Variants in ST6GALNAC3 observed in about 807,000 individuals in gnomAD.
ST6GALNAC3 encodes alpha-N-acetylgalactosaminide alpha-2,6-sialyltransferase 3.
Under a neutral mutation model 32.7 loss-of-function variants are expected in ST6GALNAC3, and 25 were observed. The observed-to-expected ratio is 0.76, with a 90% CI of 0.56 to 1.07. ST6GALNAC3 has a LOEUF of 1.07. ST6GALNAC3 is among the 50% of genes least tolerant of loss of function. The probability of loss-of-function intolerance (pLI) is 0.00; values close to 1 mark genes in which losing one functional copy is unlikely to be tolerated. For synonymous variants in ST6GALNAC3, 129 were observed against 133.1 expected (o/e 0.97, Z 0.21); for missense variants, 355 against 382.4 (o/e 0.93, Z 0.60).
intron 2 of ST6GALNAC3, among the ~76,000 whole-genome samples, chr1:76,319,032 G>A (rs1646919559): frequency 1.3e-5 from 2 of 152,174 alleles, no homozygotes; most frequent in South Asian, 4.1e-4. Context: ...AGAGCAAGCA[G>A]CCTGCAGTTT....
chr1:76,291,895 A>T (rs1031884953), intron 1 of ST6GALNAC3, among the ~76,000 whole-genome samples: 2 of 152,250 alleles, frequency 1.3e-5, no homozygotes, highest in Admixed American at 1.3e-4. Context: ...TATAATGATT[A>T]AACCAGAAGA....
chr1:76,223,101 C>T (rs864205), intron 1 of ST6GALNAC3, among the ~76,000 whole-genome samples: 140,503 of 152,218 alleles, frequency 0.92, 65,490 homozygotes, highest in East Asian at 1. Context: ...CATATGTTTA[C>T]TGTATCACTA....
At chr1:76,134,518 A>G (rs935653256) in intron 1 of ST6GALNAC3, among the ~76,000 whole-genome samples, 1 of 152,194 alleles carries the variant, frequency 6.6e-6, no homozygotes, top group African/African-American at 2.4e-5. Flanking sequence ...TGGTTTAACC[A>G]TGGGTTAGGA....
intron 2 of ST6GALNAC3, among the ~76,000 whole-genome samples, chr1:76,314,767 A>G (rs1646833206): frequency 6.6e-6 from 1 of 152,186 alleles, no homozygotes; most frequent in Admixed American, 6.6e-5. Context: ...TAATATTCAG[A>G]GACACAAAGT....
At chr1:76,328,304 G>A (rs1387233254) in intron 2 of ST6GALNAC3, among the ~76,000 whole-genome samples, 1 of 152,166 alleles carries the variant, frequency 6.6e-6, no homozygotes, top group African/African-American at 2.4e-5. Flanking sequence ...GGAACTTCAC[G>A]AATGAGAAGT....
intron 2 of ST6GALNAC3, among the ~76,000 whole-genome samples, chr1:76,401,384 C>A (rs924514378): frequency 6.6e-6 from 1 of 152,132 alleles, no homozygotes; most frequent in Non-Finnish European, 1.5e-5. Flanking sequence ...TCTGCTCCAT[C>A]ACTTTTTATA....
chr1:76,114,104 A>G (rs1402427184), intron 1 of ST6GALNAC3, among the ~76,000 whole-genome samples: 2 of 151,356 alleles, frequency 1.3e-5, no homozygotes, highest in Non-Finnish European at 2.9e-5. Flanking sequence ...CGGCCTCCCA[A>G]CGTGCTGGGA....
chr1:76,427,938 C>T (rs960469166), intron 3 of ST6GALNAC3, among the ~76,000 whole-genome samples: 21 of 152,100 alleles, frequency 1.4e-4, no homozygotes, highest in Non-Finnish European at 5.9e-5. Context: ...TAGTTCTGGA[C>T]ATCTCTCTAA....
At chr1:76,189,298 G>T (rs1461950322) in intron 1 of ST6GALNAC3, among the ~76,000 whole-genome samples, 2 of 152,158 alleles carry the variant, frequency 1.3e-5, no homozygotes, top group East Asian at 1.9e-4. Flanking sequence ...TGTACCCTTT[G>T]CCTATGGTTA....
intron 1 of ST6GALNAC3, among the ~76,000 whole-genome samples, chr1:76,238,195 C>T (rs1656766497): frequency 6.6e-6 from 1 of 152,186 alleles, no homozygotes; most frequent in East Asian, 1.9e-4. Context: ...ACTGTGCTTC[C>T]TTTGTTTTGG....
chr1:76,205,847 T>C (rs1654792516), intron 1 of ST6GALNAC3, among the ~76,000 whole-genome samples: 1 of 129,918 alleles, frequency 7.7e-6, no homozygotes, highest in Non-Finnish European at 1.7e-5. Context: ...ATGTTAAAGA[T>C]TAGACCACGG....
At chr1:76,443,294 T>G (rs1656744026) in intron 3 of ST6GALNAC3, among the ~76,000 whole-genome samples, 1 of 152,174 alleles carries the variant, frequency 6.6e-6, no homozygotes, top group Admixed American at 6.5e-5. Flanking sequence ...GCTGGGACTA[T>G]AGGCATGAGC....
intron 3 of ST6GALNAC3, among the ~76,000 whole-genome samples, chr1:76,521,114 T>C (rs1237360878): frequency 5.3e-5 from 8 of 152,088 alleles, no homozygotes. Context: ...CCATGTCTTA[T>C]TACAGCTTAA....
At chr1:76,559,013 T>G (rs1665089787) in intron 3 of ST6GALNAC3, among the ~76,000 whole-genome samples, 1 of 152,134 alleles carries the variant, frequency 6.6e-6, no homozygotes, top group African/African-American at 2.4e-5. Context: ...CTTCTGAAAT[T>G]ATTTTCCTTC....
intron 2 of ST6GALNAC3, among the ~76,000 whole-genome samples, chr1:76,404,939 A>G (rs1653711466): frequency 6.6e-6 from 1 of 152,122 alleles, no homozygotes; most frequent in Admixed American, 6.6e-5. Context: ...AATGATTTTC[A>G]TTTAGAAATA....
At chr1:76,343,116 G>C (rs1388085163) in intron 2 of ST6GALNAC3, among the ~76,000 whole-genome samples, 2 of 152,026 alleles carry the variant, frequency 1.3e-5, no homozygotes, top group Non-Finnish European at 2.9e-5. Context: ...TGTTGCATTT[G>C]CTTTGGGGAT....
chr1:76,335,121 T>G (rs947728811), intron 2 of ST6GALNAC3, among the ~76,000 whole-genome samples: 4 of 152,192 alleles, frequency 2.6e-5, no homozygotes, highest in Non-Finnish European at 4.4e-5. Context: ...GGTGGTAAGT[T>G]AAATCAGGAA....
chr1:76,404,346 T>A (rs1278411665), intron 2 of ST6GALNAC3, among the ~76,000 whole-genome samples: 3 of 152,104 alleles, frequency 2.0e-5, no homozygotes, highest in Non-Finnish European at 2.9e-5. Flanking sequence ...CTGTGTTGAT[T>A]TCTCTGCAGA....
At chr1:76,116,002 A>AT (rs1408538622) in intron 1 of ST6GALNAC3, among the ~76,000 whole-genome samples, 1 of 152,196 alleles carries the variant, frequency 6.6e-6, no homozygotes, top group African/African-American at 2.4e-5. Context: ...TGCTCTCATT[A>AT]AGCTTGTTGT....
Sources: gnomAD v4.1 joint callset for allele counts (sites outside exome capture counted in the v4.1 genomes callset) on GRCh38, gnomAD v4.1.1 for gene constraint, MANE v1.5 for transcripts, NCBI Gene and HGNC (gene_info 2026-07-23, HGNC 2026-07-21) for gene names.